The following TMEM117 variants were observed in gnomAD, a reference collection of about 807,000 sequenced individuals.
TMEM117 encodes transmembrane protein 117.
A neutral mutation model predicts 52.4 loss-of-function variants in TMEM117; 27 were observed. That is an observed-to-expected ratio of 0.51 (90% CI 0.38 to 0.71). The LOEUF (loss-of-function observed/expected upper bound fraction) is 0.71. TMEM117 is among the 30% of genes least tolerant of loss of function. The pLI is 0.00. For synonymous variants in TMEM117, 215 were observed against 206.3 expected (o/e 1.04, Z -0.36); for missense variants, 556 against 630.5 (o/e 0.88, Z 1.26).
intron 6 of TMEM117, among the ~76,000 whole-genome samples, chr12:44,360,401 C>T (rs184665064): frequency 1.3e-5 from 2 of 151,804 alleles, no homozygotes; most frequent in Admixed American, 6.6e-5. Flanking sequence ...ATAGTGAAGC[C>T]CCATCTCTGC....
chr12:44,266,434 C>T (rs952998355), intron 5 of TMEM117, among the ~76,000 whole-genome samples: 9 of 152,024 alleles, frequency 5.9e-5, no homozygotes, highest in African/African-American at 2.2e-4. Flanking sequence ...GGAGAAATGT[C>T]TATTTAAAAT....
At chr12:44,020,028 G>A (rs1397799598) in intron 3 of TMEM117, among the ~76,000 whole-genome samples, 1 of 152,110 alleles carries the variant, frequency 6.6e-6, no homozygotes, top group African/African-American at 2.4e-5. Context: ...ATAGGGAATG[G>A]TTTAGTCAGT....
At chr12:44,206,872 C>T (rs536214023) in intron 4 of TMEM117, among the ~76,000 whole-genome samples, 41 of 152,220 alleles carry the variant, frequency 2.7e-4, no homozygotes, top group Non-Finnish European at 7.4e-5. Context: ...ATACTATGCT[C>T]ACTACCTGAG....
At chr12:44,132,202 T>C (rs73288072) in intron 3 of TMEM117, among the ~76,000 whole-genome samples, 1 of 151,366 alleles carries the variant, frequency 6.6e-6, no homozygotes, top group Non-Finnish European at 1.5e-5. Flanking sequence ...TTTTTTTTTT[T>C]TTAGATGAAA....
intron 3 of TMEM117, among the ~76,000 whole-genome samples, chr12:44,077,599 C>T (rs1431879759): frequency 6.6e-6 from 1 of 152,122 alleles, no homozygotes; most frequent in Non-Finnish European, 1.5e-5. Flanking sequence ...GGGCATGAAT[C>T]CTAGAAGATT....
At chr12:44,297,903 A>C in intron 5 of TMEM117, among the ~76,000 whole-genome samples, 1 of 152,168 alleles carries the variant, frequency 6.6e-6, no homozygotes, top group Non-Finnish European at 1.5e-5. Flanking sequence ...TGCTTATTTA[A>C]TTCATTTGAA....
intron 6 of TMEM117, among the ~76,000 whole-genome samples, chr12:44,359,657 T>G (rs1182145440): frequency 1.3e-5 from 2 of 152,068 alleles, no homozygotes; most frequent in Non-Finnish European, 2.9e-5. Context: ...ATCTTTTATG[T>G]TTTTAATTAT....
chr12:44,341,595 T>C (rs1448175445), intron 6 of TMEM117, among the ~76,000 whole-genome samples: 1 of 152,132 alleles, frequency 6.6e-6, no homozygotes, highest in African/African-American at 2.4e-5. Flanking sequence ...TTGGTGTTAG[T>C]CTTGCTCTGC....
Position 43,985,100 on chromosome 12 carries a change from G to A in TMEM117, c.410+40758G>A, listed in dbSNP as rs183107191. Among the ~76,000 whole-genome samples, 149 of 152,234 alleles carry A rather than the reference G, an allele frequency of 9.8e-4. 2 individuals are homozygous for A. Among genetic ancestry groups the A allele is most frequent in the Admixed American group, 8.8e-3 (134 of 15,280 alleles). On this transcript the variant is annotated intron_variant, in intron 3 of 7. Transcript: ENST00000266534. ...AACAATGGGAGGGAAATGTCCATAAGTTCCTACATATCTCTACATGCAAAG... is the reference window on the plus strand; with the variant it reads ...AACAATGGGAGGGAAATGTCCATAAATTCCTACATATCTCTACATGCAAAG...
At chr12:43,944,897 G>A (rs1329274786) in intron 3 of TMEM117, among the ~76,000 whole-genome samples, 2 of 151,968 alleles carry the variant, frequency 1.3e-5, no homozygotes, top group Non-Finnish European at 2.9e-5. Context: ...CGGATCACAA[G>A]GTCAGGAGAT....
chr12:43,931,066 A>C (rs954373829), intron 2 of TMEM117, among the ~76,000 whole-genome samples: 3 of 152,174 alleles, frequency 2.0e-5, no homozygotes, highest in Admixed American at 6.5e-5. Flanking sequence ...GTGAGAACCC[A>C]CCCCAAGCTG....
At chr12:44,346,512 C>T (rs910645809) in intron 6 of TMEM117, among the ~76,000 whole-genome samples, 2 of 152,144 alleles carry the variant, frequency 1.3e-5, no homozygotes, top group East Asian at 3.9e-4. Context: ...CACTCATTCT[C>T]ACCCTCTTTT....
intron 3 of TMEM117, among the ~76,000 whole-genome samples, chr12:44,058,612 G>A (rs938754541): frequency 3.9e-5 from 6 of 152,180 alleles, no homozygotes; most frequent in African/African-American, 1.2e-4. Flanking sequence ...TATCCATACA[G>A]ACATACTCAT....
At chr12:44,127,363 T>C (rs1413658726) in intron 3 of TMEM117, among the ~76,000 whole-genome samples, 1 of 152,084 alleles carries the variant, frequency 6.6e-6, no homozygotes, top group African/African-American at 2.4e-5. Context: ...TTTGTAGATA[T>C]AGTTGACATC....
intron 3 of TMEM117, among the ~76,000 whole-genome samples, chr12:44,097,577 A>G (rs1434384845): frequency 1.3e-5 from 2 of 152,052 alleles, no homozygotes; most frequent in Non-Finnish European, 2.9e-5. Flanking sequence ...GACATGGATG[A>G]ACTTGGAAGT....
intron 4 of TMEM117, among the ~76,000 whole-genome samples, chr12:44,160,117 A>G (rs1430752080): frequency 6.6e-6 from 1 of 152,178 alleles, no homozygotes; most frequent in Admixed American, 6.5e-5. Context: ...CAAGGATAAA[A>G]ATAAGTACCG....
intron 5 of TMEM117, among the ~76,000 whole-genome samples, chr12:44,253,991 T>C (rs553552594): frequency 1.7e-4 from 24 of 138,078 alleles, no homozygotes; most frequent in South Asian, 1.4e-3. Context: ...TCATTTTTTT[T>C]CCCCTTCACC....
intron 2 of TMEM117, among the ~76,000 whole-genome samples, chr12:43,883,926 C>G (rs1943943399): frequency 1.3e-5 from 2 of 151,922 alleles, no homozygotes; most frequent in Non-Finnish European, 2.9e-5. Context: ...TGCTTGAGCC[C>G]AAGAGTATGA....
intron 3 of TMEM117, among the ~76,000 whole-genome samples, chr12:44,075,988 G>A (rs1254171831): frequency 2.6e-5 from 4 of 152,174 alleles, no homozygotes; most frequent in Non-Finnish European, 4.4e-5. Context: ...CAACAGTGGG[G>A]CCAAAGTTCC....
Sources: allele counts gnomAD v4.1 joint callset (sites outside exome capture counted in the v4.1 genomes callset), GRCh38; gene constraint gnomAD v4.1.1; transcripts MANE v1.5; gene names NCBI Gene and HGNC (gene_info 2026-07-23, HGNC 2026-07-21).